The following COPA variants were observed in gnomAD, a reference collection of about 807,000 sequenced individuals.
COPA encodes the protein coat protein complex I subunit alpha.
In COPA, 10 loss-of-function variants were observed where a neutral mutation model predicts 158.7. That is an observed-to-expected ratio of 0.06 (90% CI 0.04 to 0.11). The LOEUF (loss-of-function observed/expected upper bound fraction) is 0.11, where lower values mean the gene tolerates loss of function less well. Ranked by LOEUF, COPA falls within the 10% of genes least tolerant of loss-of-function variation. The probability of loss-of-function intolerance (pLI) is 1.00; values close to 1 mark genes in which losing one functional copy is unlikely to be tolerated. For synonymous variants in COPA, 462 were observed against 542.8 expected (o/e 0.85, Z 2.07); for missense variants, 1,065 against 1,536.7 (o/e 0.69, Z 5.13).
intron 8 of COPA, among the ~76,000 whole-genome samples, chr1:160,322,417 C>A (rs1367037583): frequency 4.6e-5 from 7 of 152,050 alleles, no homozygotes; most frequent in African/African-American, 1.7e-4. Context: ...TCTCACCACA[C>A]ACAAAAATCA....
Position 160,299,210 on chromosome 1 carries a change from C to T in COPA, c.1722G>A (p.Lys574=). ...TGTCTAGGCAGTATACATTGTTGCC[C>T]TTCACCCGTGTGACATAGATGGGTA... The part of the protein sequence containing the change: ...LDLPIYVTRV[K]GNNVYCLDRE... The change falls in exon 18 of 33, where the codon AAG becomes AAA. Residue 574 remains lysine, a synonymous_variant. Transcript: ENST00000241704. 6.2e-7 allele frequency: 1 copy of T among 1,614,162 alleles called. No individual in the cohort carries two copies. Among genetic ancestry groups the T allele is most frequent in the Non-Finnish European group, 8.5e-7 (1 of 1,180,014 alleles).
Position 160,293,370 on chromosome 1 carries a change from GT to G in COPA, c.2754+15del. ...TAGCCACTCATCCCTGCCGTGCTAG[GT>G]TTCTTCCCGCTTACCTGAGTTGGAC... is the stretch of plus-strand genomic sequence containing the variant. On this transcript the variant is annotated intron_variant, in intron 26 of 32. Coordinates refer to ENST00000241704, the MANE Select transcript of COPA (RefSeq NM_004371.4). 6.2e-7 allele frequency: 1 copy of G among 1,613,426 alleles called. No homozygotes were observed. Among genetic ancestry groups the G allele is most frequent in the South Asian group, 1.1e-5 (1 of 90,912 alleles).
At position 160,317,731 on chromosome 1, in the gene COPA, T is replaced by C; in HGVS notation, c.707-3606A>G. ...GATATTCTTTTTATTTTTTTTCTTT[T>C]CCCTCAATCCTTTCTCATTTTTAAA... is the stretch of plus-strand genomic sequence containing the variant. On this transcript the variant is annotated intron_variant, in intron 8 of 32. Coordinates refer to ENST00000241704, the MANE Select transcript of COPA (RefSeq NM_004371.4). 4.5e-6 allele frequency: 6 copies of C among 1,324,396 alleles called. No homozygotes were observed. The South Asian group carries it at 4.8e-5, about 11-fold the overall frequency. 82.0% of individuals were successfully genotyped at this position (1,324,396 alleles called of 1,614,324 possible).
At position 160,323,590 on chromosome 1, in the gene COPA, T is replaced by C. The variant is rs187552143; in HGVS notation, c.607-60A>G. ...ATAGTCATTACTCAAAGCAAACCAA[T>C]GAATCAAGCTACTCGTTGTAAAAAA... On this transcript the variant is annotated intron_variant, in intron 7 of 32. Transcript: ENST00000241704. 10 of 1,284,270 alleles carry C rather than the reference T, an allele frequency of 7.8e-6. No homozygotes were observed. The East Asian group carries it at 2.3e-4, about 29-fold the overall frequency. 79.6% of individuals were successfully genotyped at this position (1,284,270 alleles called of 1,614,324 possible).
intron 19 of COPA, 131 bp downstream of exon 19, chr1:160,298,714 T>A: frequency 8.5e-7 from 1 of 1,175,982 alleles, no homozygotes; most frequent in South Asian, 1.6e-5. Context: ...TGGCTCAATG[T>A]AACAACTAAA....
intron 3 of COPA, among the ~76,000 whole-genome samples, chr1:160,336,493 G>A (rs934053052): frequency 4.6e-5 from 7 of 152,112 alleles, no homozygotes; most frequent in Non-Finnish European, 8.8e-5. Flanking sequence ...CTTATTACAT[G>A]GAAAATACTA....
At chr1:160,311,176 C>T (rs1364591446) in intron 11 of COPA, among the ~76,000 whole-genome samples, 1 of 152,042 alleles carries the variant, frequency 6.6e-6, no homozygotes, top group African/African-American at 2.4e-5. Context: ...TGCGGTGGCT[C>T]ACGCCTGCAA....
intron 19 of COPA, 22 bp downstream of exon 19, chr1:160,298,823 C>T: frequency 6.2e-7 from 1 of 1,613,626 alleles, no homozygotes; most frequent in Non-Finnish European, 8.5e-7. Context: ...CAATATGGGG[C>T]TGATGACCAT....
intron 1 of COPA, among the ~76,000 whole-genome samples, chr1:160,341,717 T>C: frequency 6.6e-6 from 1 of 152,248 alleles, no homozygotes; most frequent in Non-Finnish European, 1.5e-5. Flanking sequence ...ACTTTTTTTT[T>C]CTTGCATTTC....
At chr1:160,317,860 T>C (rs1659197174) in intron 8 of COPA, among the ~76,000 whole-genome samples, 1 of 151,904 alleles carries the variant, frequency 6.6e-6, no homozygotes, top group African/African-American at 2.4e-5. Context: ...TATTCATTAT[T>C]GTTTATTTTC....
intron 8 of COPA, among the ~76,000 whole-genome samples, chr1:160,322,060 T>C (rs1293095858): frequency 6.6e-6 from 1 of 152,132 alleles, no homozygotes; most frequent in Non-Finnish European, 1.5e-5. Context: ...AGATTTATTG[T>C]ATTCCCCATC....
chr1:160,299,988 A>C (rs899554794), intron 17 of COPA, among the ~76,000 whole-genome samples: 2 of 152,192 alleles, frequency 1.3e-5, no homozygotes, highest in African/African-American at 4.8e-5. Context: ...AGAAAACAAT[A>C]GGAATGAAAA....
At chr1:160,317,706 G>T (rs1033842549) in intron 8 of COPA, 1 of 1,441,262 alleles carries the variant, frequency 6.9e-7, no homozygotes, top group African/African-American at 1.4e-5. Context: ...CAACAGTTTA[G>T]ATATTCTTTT....
chr1:160,310,922 T>A, intron 11 of COPA, among the ~76,000 whole-genome samples: 1 of 152,170 alleles, frequency 6.6e-6, no homozygotes, highest in East Asian at 1.9e-4. Flanking sequence ...TGTTACCAGT[T>A]TGGGCCATTC....
intron 16 of COPA, 21 bp from the exon 17 acceptor site, chr1:160,305,592 G>T: frequency 1.2e-6 from 2 of 1,614,126 alleles, no homozygotes; most frequent in East Asian, 4.5e-5. Context: ...CAAAGGGCAT[G>T]AGTGTTCTGT....
chr1:160,308,160 A>C (rs189366578), intron 13 of COPA, among the ~76,000 whole-genome samples: 1 of 140,602 alleles, frequency 7.1e-6, no homozygotes, highest in Non-Finnish European at 1.5e-5. Context: ...AAATTCTATT[A>C]ATTGTAAACA....
rs1169871563 is a variant in COPA at position 160,303,045 on chromosome 1, C to T, written c.1667+2388G>A. On this transcript the variant is annotated intron_variant, in intron 17 of 32. Coordinates refer to ENST00000241704, the MANE Select transcript of COPA (RefSeq NM_004371.4). The stretch of plus-strand genomic sequence containing the variant: ...AGTATTAGCTGGGTGTGGTGGCATG[C>T]GCCTATAATACCAGCTACTCAGGAG... Among the ~76,000 whole-genome samples the T allele has an allele frequency of 6.6e-5, 10 of 152,070 alleles. No individual in the cohort carries two copies. In the East Asian group the frequency reaches 1.4e-3, roughly 21 times the overall value.
Position 160,306,385 on chromosome 1 carries a change from A to T in COPA, c.1411T>A (p.Ser471Thr). The change falls in exon 15 of 33, where the codon TCT (serine) becomes ACT (threonine). Residue 471 changes from serine (S) to threonine (T), a missense_variant. This residue lies in a region of COPA where 980 missense variants were observed against 1,357.8 expected (regional missense o/e 0.72). Coordinates refer to ENST00000241704, the MANE Select transcript of COPA (RefSeq NM_004371.4). Reference protein sequence around the residue: ...TGNLLLRDADSITLFDVQQKR... With the variant: ...TGNLLLRDADTITLFDVQQKR... Reference sequence around the variant, plus strand: ...TGCTGTACGTCAAAGAGTGTGATAGAGTCCGCATCTCGAAGCAGGAGATTG... The same window carrying T: ...TGCTGTACGTCAAAGAGTGTGATAGTGTCCGCATCTCGAAGCAGGAGATTG... 1 of 1,612,892 alleles carries T rather than the reference A, an allele frequency of 6.2e-7. No individual in the cohort carries two copies. Among genetic ancestry groups the T allele is most frequent in the Non-Finnish European group, 8.5e-7 (1 of 1,179,272 alleles).
At chr1:160,322,346 AACAT>A (rs1659355397) in intron 8 of COPA, among the ~76,000 whole-genome samples, 1 of 152,210 alleles carries the variant, frequency 6.6e-6, no homozygotes, top group Non-Finnish European at 1.5e-5. Context: ...AGGTGCCAAG[AACAT>A]ACAATAAAGT....
Sources: gnomAD v4.1 joint callset for allele counts (sites outside exome capture counted in the v4.1 genomes callset) on GRCh38, gnomAD v4.1.1 for gene constraint, gnomAD v4.1.1 regional missense constraint, MANE v1.5 for transcripts, NCBI Gene and HGNC (gene_info 2026-07-23, HGNC 2026-07-21) for gene names.